The following AKAP7 variants were observed in gnomAD, a reference collection of about 807,000 sequenced individuals.
The protein encoded by AKAP7 is A kinase (PRKA) anchor protein 7.
A neutral mutation model predicts 39.5 loss-of-function variants in AKAP7; 39 were observed. The observed-to-expected ratio is 0.99, with a 90% confidence interval of 0.76 to 1.29. AKAP7 has a LOEUF of 1.29. Among genes scored for constraint, AKAP7 ranks in the 50% most tolerant of loss-of-function variants. AKAP7 has a pLI of 0.00. For synonymous variants in AKAP7, 140 were observed against 139.1 expected, an observed-to-expected ratio of 1.01 and a Z score of -0.05; for missense variants, 414 against 407.7, an observed-to-expected ratio of 1.02 and a Z score of -0.13.
chr6:131,159,057 A>G (rs1317187507), intron 2 of AKAP7, among the ~76,000 whole-genome samples: 6 of 151,934 alleles, frequency 3.9e-5, no homozygotes, highest in Non-Finnish European at 8.8e-5. Flanking sequence ...CGCTTCTCAG[A>G]TGACCTTTTG....
chr6:131,274,968 CCTTGAGTGTATTCTGTTACAGCA>C (rs1814619586), intron 7 of AKAP7, among the ~76,000 whole-genome samples: 3 of 152,138 alleles, frequency 2.0e-5, no homozygotes. Flanking sequence ...CTCCACTAGA[CCTTGAGTGTATTCTGTTACAGCA>C]CTTAATCTAT....
chr6:131,129,561 A>G, the AKAP7 span, among the ~76,000 whole-genome samples: 8 of 152,358 alleles, frequency 5.3e-5, no homozygotes, highest in African/African-American at 1.9e-4. Context: ...CATGTTACTT[A>G]CATAAAATTT....
intron 2 of AKAP7, among the ~76,000 whole-genome samples, chr6:131,154,488 TTTA>T (rs1802241449): frequency 1.3e-5 from 2 of 149,974 alleles, no homozygotes; most frequent in East Asian, 1.9e-4. Flanking sequence ...TTTTTTTTTT[TTTA>T]ATGTTGCATT....
intron 6 of AKAP7, among the ~76,000 whole-genome samples, chr6:131,205,132 C>T (rs1175899556): frequency 6.6e-6 from 1 of 151,922 alleles, no homozygotes; most frequent in Non-Finnish European, 1.5e-5. Flanking sequence ...GATAGCCGGT[C>T]CATTCATTAT....
upstream of AKAP7, among the ~76,000 whole-genome samples, chr6:131,134,418 AGTGGCATATTTGGG>A (rs1167840842): frequency 6.6e-6 from 1 of 152,220 alleles, no homozygotes; most frequent in African/African-American, 2.4e-5. Context: ...CTTATGCTGA[AGTGGCATATTTGGG>A]GTGGCATATT....
chr6:131,203,866 TCC>T (rs1175226290), intron 6 of AKAP7, among the ~76,000 whole-genome samples: 20 of 152,342 alleles, frequency 1.3e-4, no homozygotes, highest in South Asian at 8.3e-4. Flanking sequence ...GTTATGAACT[TCC>T]TTGTTCACTT....
At chr6:131,219,617 A>G (rs1180574094) in intron 6 of AKAP7, 44 bp from the exon 7 acceptor site, 1 of 1,545,306 alleles carries the variant, frequency 6.5e-7, no homozygotes, top group Non-Finnish European at 8.8e-7. Context: ...AACTGGCTGC[A>G]TGGGTGAAAT....
chr6:131,138,341 A>G (rs977061413), intron 1 of AKAP7, among the ~76,000 whole-genome samples: 1 of 152,186 alleles, frequency 6.6e-6, no homozygotes, highest in Non-Finnish European at 1.5e-5. Context: ...TATATGTACC[A>G]TATTTCCTTT....
intron 7 of AKAP7, among the ~76,000 whole-genome samples, chr6:131,277,372 T>C (rs926425610): frequency 2.6e-5 from 4 of 152,352 alleles, no homozygotes; most frequent in Non-Finnish European, 5.9e-5. Flanking sequence ...AGTAACCCTG[T>C]AGTCCAAAAA....
intron 5 of AKAP7, among the ~76,000 whole-genome samples, chr6:131,171,105 A>G (rs1348247148): frequency 6.6e-6 from 1 of 152,192 alleles, no homozygotes; most frequent in Non-Finnish European, 1.5e-5. Flanking sequence ...TTGAGTAGGA[A>G]GAATTCATTC....
intron 2 of AKAP7, among the ~76,000 whole-genome samples, chr6:131,153,610 A>G (rs1225502344): frequency 1.3e-5 from 2 of 152,152 alleles, no homozygotes; most frequent in Admixed American, 6.5e-5. Flanking sequence ...AAGACAGTTT[A>G]GTATTAAATA....
At chr6:131,129,750 A>G in the AKAP7 span, among the ~76,000 whole-genome samples, 1 of 152,236 alleles carries the variant, frequency 6.6e-6, no homozygotes, top group Admixed American at 6.5e-5. Flanking sequence ...TTAAACACAT[A>G]TTCTTCTTCC....
chr6:131,277,213 T>C (rs1814818429), intron 7 of AKAP7, among the ~76,000 whole-genome samples: 1 of 152,198 alleles, frequency 6.6e-6, no homozygotes, highest in Non-Finnish European at 1.5e-5. Context: ...GCCAGTGCTG[T>C]GTTTGATGTG....
the AKAP7 span, among the ~76,000 whole-genome samples, chr6:131,126,066 C>T: frequency 2.0e-5 from 3 of 152,218 alleles, no homozygotes; most frequent in South Asian, 6.2e-4. Context: ...GTCCTCTCTC[C>T]AATTGGCATT....
chr6:131,148,555 C>T (rs558710555), intron 2 of AKAP7, among the ~76,000 whole-genome samples: 19 of 151,422 alleles, frequency 1.3e-4, no homozygotes, highest in East Asian at 4.0e-4. Flanking sequence ...TGTAAAATAA[C>T]GAATAAATGT....
intron 7 of AKAP7, among the ~76,000 whole-genome samples, chr6:131,243,321 A>G (rs1227234059): frequency 6.6e-6 from 1 of 152,218 alleles, no homozygotes; most frequent in Non-Finnish European, 1.5e-5. Flanking sequence ...CAGAAAATAG[A>G]TTCAGTGGGA....
At chr6:131,149,096 C>T (rs6917207) in intron 2 of AKAP7, among the ~76,000 whole-genome samples, 24,263 of 152,128 alleles carry the variant, frequency 0.16, 2,977 homozygotes, top group East Asian at 0.63. Flanking sequence ...TAGTGTCTCT[C>T]GATTGTCAGC....
chr6:131,233,261 C>A (rs1016002295), intron 7 of AKAP7, among the ~76,000 whole-genome samples: 1 of 152,068 alleles, frequency 6.6e-6, no homozygotes, highest in Non-Finnish European at 1.5e-5. Context: ...TAGAAAGAGA[C>A]GGAGAAAGAG....
At chr6:131,203,014 A>G (rs1019739571) in intron 6 of AKAP7, among the ~76,000 whole-genome samples, 1 of 152,096 alleles carries the variant, frequency 6.6e-6, no homozygotes, top group African/African-American at 2.4e-5. Context: ...TAAGCTTTTG[A>G]TGTTCAGTAA....
Sources: allele counts gnomAD v4.1 joint callset (sites outside exome capture counted in the v4.1 genomes callset), GRCh38; gene constraint gnomAD v4.1.1; transcripts MANE v1.5; gene names NCBI Gene and HGNC (gene_info 2026-07-23, HGNC 2026-07-21).